Variants in SLC15A3 observed in about 807,000 individuals in gnomAD.
The protein encoded by SLC15A3 is osteoclast transporter.
SLC15A3 carries 39 observed loss-of-function variants against 49.2 expected under a neutral mutation model. The ratio of observed to expected loss-of-function variants is 0.79; its 90% CI spans 0.61 to 1.04. The LOEUF (loss-of-function observed/expected upper bound fraction) is 1.04. SLC15A3 is among the 50% of genes least tolerant of loss of function. The pLI is 0.00. For synonymous variants in SLC15A3, 339 were observed against 367.0 expected (o/e 0.92, Z 0.87); for missense variants, 758 against 794.8 (o/e 0.95, Z 0.56).
At chr11:60,947,562 C>T (rs972302346) in intron 1 of SLC15A3, among the ~76,000 whole-genome samples, 2 of 152,018 alleles carry the variant, frequency 1.3e-5, no homozygotes, top group African/African-American at 2.4e-5. Context: ...TGCATGTTAC[C>T]GAAAGAACAG....
chr11:60,937,322 A>G lies in SLC15A3; in HGVS notation c.1643T>C (p.Ile548Thr). 6.2e-7 allele frequency: 1 copy of G among 1,614,146 alleles called. No individual in the cohort carries two copies. Among genetic ancestry groups the G allele is most frequent in the Non-Finnish European group, 8.5e-7 (1 of 1,180,028 alleles). Residue 548 changes from isoleucine (I) to threonine (T), a missense_variant, in exon 8 of 8, where the codon ATT becomes ACT. Transcript: ENST00000227880. ...AAATAGGAGAGCCGTGACGGCCTGA[A>G]TGCCAGCCAGCAGGAAGAAGTAGAG... The part of the protein sequence containing the change: ...MDLYFFLLAG[I>T]QAVTALLFVW...
intron 3 of SLC15A3, 149 bp from the exon 4 acceptor site, chr11:60,942,294 C>T: frequency 1.6e-6 from 1 of 642,346 alleles, no homozygotes; most frequent in Non-Finnish European, 2.8e-6. Context: ...TCCCACCCTC[C>T]TTTCTCCTAG....
At position 60,951,611 on chromosome 11, in the gene SLC15A3, C is replaced by T. The variant is rs1856925421; in HGVS notation, c.-60G>A. Reference sequence around the variant, plus strand: ...CTCCTCTCCTCTCCCCGCCTCAGAGCCCTGCACTCCTGCCCCCGGGCCTCG... The same window carrying T: ...CTCCTCTCCTCTCCCCGCCTCAGAGTCCTGCACTCCTGCCCCCGGGCCTCG... On this transcript the variant is annotated 5_prime_UTR_variant, in exon 1 of 8. Coordinates refer to ENST00000227880, the MANE Select transcript of SLC15A3 (RefSeq NM_016582.3). 1.8e-6 allele frequency: 2 copies of T among 1,097,808 alleles called. No homozygotes were observed. The highest frequency in any genetic ancestry group is 1.7e-5 in the African/African-American group (1 of 59,574). The allele number at this position is 1,097,808 out of a possible 1,614,324, so 68.0% of individuals were successfully genotyped here.
chr11:60,944,854 T>C (rs1169513049), intron 2 of SLC15A3, among the ~76,000 whole-genome samples: 6 of 152,204 alleles, frequency 3.9e-5, no homozygotes, highest in Non-Finnish European at 8.8e-5. Context: ...CTTTGCCCTT[T>C]GCCCTTTGTC....
intron 5 of SLC15A3, 160 bp from the exon 6 acceptor site, chr11:60,939,798 C>G: frequency 1.3e-6 from 1 of 765,930 alleles, no homozygotes; most frequent in Non-Finnish European, 2.1e-6. Flanking sequence ...AGGAGGGGGC[C>G]AAGATGTGAC....
chr11:60,937,355 C>T lies in SLC15A3; in HGVS notation c.1610G>A (p.Arg537Gln), dbSNP rs780753668. 24 of 1,613,976 alleles carry T rather than the reference C, an allele frequency of 1.5e-5. No individual in the cohort carries two copies. The highest frequency in any genetic ancestry group is 2.7e-5 in the African/African-American group (2 of 74,920). ...PKDFGNINNC[R>Q]MDLYFFLLAG... is the part of the protein sequence containing the mutation. ...CAGCAGGAAGAAGTAGAGGTCCATC[C>T]GGCAATTGTTGATGTTCCCTGGGGA... is the stretch of plus-strand genomic sequence containing the variant. Residue 537 changes from arginine (R) to glutamine (Q), a missense_variant, in exon 8 of 8, where the codon CGG becomes CAG. Physicochemically the swap from Arg to Gln is conservative, Grantham distance 43. This residue lies in a region of SLC15A3 where 699 missense variants were observed against 706.7 expected (regional missense o/e 0.99). Coordinates refer to ENST00000227880, the MANE Select transcript of SLC15A3 (RefSeq NM_016582.3).
intron 3 of SLC15A3, 29 bp downstream of exon 3, chr11:60,943,660 C>A (rs1042811621): frequency 3.4e-6 from 5 of 1,485,034 alleles, no homozygotes; most frequent in Non-Finnish European, 4.5e-6. Flanking sequence ...GGAGCCAGGC[C>A]CCCAGAGAAA....
At chr11:60,946,410 C>T in intron 2 of SLC15A3, 122 bp downstream of exon 2, 1 of 1,145,078 alleles carries the variant, frequency 8.7e-7, no homozygotes, top group Non-Finnish European at 1.2e-6. Flanking sequence ...GAGAGCAGAT[C>T]ATCATAAAAA....
chr11:60,941,286 G>A lies in SLC15A3; in HGVS notation c.1112C>T (p.Pro371Leu), dbSNP rs201019779. The A allele has an allele frequency of 1.7e-5, 28 of 1,613,076 alleles. No homozygotes were observed. Among genetic ancestry groups the A allele is most frequent in the Admixed American group, 1.2e-4 (7 of 59,920 alleles). ...ATTGGCCAGGAGGAGCCAGGCTTCC[G>A]GGATCTGGGCAGGAGGAAGTCAGGA... ...LRAQGSSYTI[P>L]EAWLLLANVV... The change falls in exon 5 of 8, where the codon CCG becomes CTG. Residue 371 changes from proline (P) to leucine (L), a missense_variant. Physicochemically the swap from Pro to Leu is moderately conservative, Grantham distance 98. This residue lies in a region of SLC15A3 where 699 missense variants were observed against 706.7 expected (regional missense o/e 0.99). Transcript: ENST00000227880.
At chr11:60,949,848 C>T (rs1041218710) in intron 1 of SLC15A3, among the ~76,000 whole-genome samples, 5 of 152,256 alleles carry the variant, frequency 3.3e-5, no homozygotes, top group African/African-American at 9.6e-5. Context: ...CTTTCGTTGA[C>T]ACCTCGTCTT....
chr11:60,949,526 A>G (rs1856868488), intron 1 of SLC15A3, among the ~76,000 whole-genome samples: 1 of 75,884 alleles, frequency 1.3e-5, no homozygotes, highest in East Asian at 1.1e-3. Context: ...GAAAGAAAGA[A>G]AGAAAGAAAG....
At chr11:60,947,070 C>T (rs940955146) in intron 1 of SLC15A3, among the ~76,000 whole-genome samples, 5 of 152,230 alleles carry the variant, frequency 3.3e-5, no homozygotes, top group African/African-American at 1.2e-4. Context: ...ACCCATGACA[C>T]ACACTGCTTT....
chr11:60,950,098 A>T (rs1856887494), intron 1 of SLC15A3, among the ~76,000 whole-genome samples: 1 of 152,238 alleles, frequency 6.6e-6, no homozygotes, highest in Non-Finnish European at 1.5e-5. Context: ...AAAGGCTCAG[A>T]GGTTGAGCTA....
intron 1 of SLC15A3, among the ~76,000 whole-genome samples, chr11:60,949,552 GAA>G (rs1252095135): frequency 3.9e-5 from 3 of 76,968 alleles, no homozygotes; most frequent in Admixed American, 1.7e-4. Flanking sequence ...AAGAAAGAAA[GAA>G]AGAAAGAAAG....
At chr11:60,950,920 G>A in intron 1 of SLC15A3, 74 bp downstream of exon 1, 1 of 1,356,148 alleles carries the variant, frequency 7.4e-7, no homozygotes, top group African/African-American at 1.5e-5. Context: ...GTTTGTCCCA[G>A]GTCACGCTGG....
chr11:60,948,148 A>G (rs2134938837), intron 1 of SLC15A3, among the ~76,000 whole-genome samples: 1 of 152,236 alleles, frequency 6.6e-6, no homozygotes, highest in African/African-American at 2.4e-5. Context: ...CCTTTTTCAA[A>G]TGTAAAATTA....
intron 5 of SLC15A3, chr11:60,939,858 G>T: frequency 1.8e-6 from 1 of 569,736 alleles, no homozygotes; most frequent in Non-Finnish European, 3.1e-6. Flanking sequence ...GCTGAGTTTT[G>T]CACTCAATAA....
chr11:60,949,422 G>T (rs1026046334), intron 1 of SLC15A3, among the ~76,000 whole-genome samples: 1 of 82,252 alleles, frequency 1.2e-5, no homozygotes, highest in African/African-American at 3.0e-5. Flanking sequence ...AAGAAAGAAA[G>T]AAGGAAAGAA....
At position 60,946,472 on chromosome 11, in the gene SLC15A3, G is replaced by A. The variant is rs753101428; in HGVS notation, c.848+60C>T. On this transcript the variant is annotated intron_variant, in intron 2 of 7. Transcript: ENST00000227880. ...TCTGCAACCTGGACCATGCCTCCCC[G>A]GGAGCGATCCAGCGCTTCTCCAGGC... is the stretch of plus-strand genomic sequence containing the variant. The A allele has an allele frequency of 1.9e-5, 29 of 1,500,422 alleles. No individual in the cohort carries two copies. In the Admixed American group the frequency reaches 4.1e-4, roughly 21 times the overall value. 92.9% of individuals were successfully genotyped at this position (1,500,422 alleles called of 1,614,324 possible). A position where few individuals can be genotyped will look rare whatever the true frequency, so the allele number is the denominator to read the frequency against.
Sources: allele counts gnomAD v4.1 joint callset (sites outside exome capture counted in the v4.1 genomes callset), GRCh38; gene constraint gnomAD v4.1.1; regional missense constraint gnomAD v4.1.1; transcripts MANE v1.5; gene names NCBI Gene and HGNC (gene_info 2026-07-23, HGNC 2026-07-21).